LRP6: variants seen among roughly 807,000 people sequenced by gnomAD.
The protein encoded by LRP6 is LDL receptor related protein 6.
A neutral mutation model predicts 184.1 loss-of-function variants in LRP6; 43 were observed. The observed-to-expected ratio is 0.23, with a 90% CI of 0.18 to 0.30. The LOEUF (loss-of-function observed/expected upper bound fraction) is 0.30. LRP6 is among the 10% of genes least tolerant of loss of function. The pLI is 1.00. For missense variants in LRP6, 1,571 were observed against 2,005.3 expected (o/e 0.78, Z 4.14); for synonymous variants, 719 against 684.9 (o/e 1.05, Z -0.78).
intron 2 of LRP6, among the ~76,000 whole-genome samples, chr12:12,235,788 C>G (rs1864917110): frequency 6.6e-6 from 1 of 151,776 alleles, no homozygotes; most frequent in African/African-American, 2.4e-5. Context: ...ACCTAGTTTC[C>G]ACATCTTCAT....
At chr12:12,238,744 G>T (rs1864984512) in intron 2 of LRP6, among the ~76,000 whole-genome samples, 1 of 152,048 alleles carries the variant, frequency 6.6e-6, no homozygotes, top group South Asian at 2.1e-4. Flanking sequence ...CTTATTGAAA[G>T]AAACACTGAA....
At chr12:12,183,771 TATTTA>T (rs1863401439) in intron 5 of LRP6, among the ~76,000 whole-genome samples, 1 of 152,210 alleles carries the variant, frequency 6.6e-6, no homozygotes, top group African/African-American at 2.4e-5. Flanking sequence ...AAAAATATGT[TATTTA>T]AAACACTAAA....
chr12:12,156,906 C>T (rs1457064664), intron 12 of LRP6, among the ~76,000 whole-genome samples: 1 of 152,168 alleles, frequency 6.6e-6, no homozygotes. Flanking sequence ...GGGGTTATGG[C>T]CCACAAGTTA....
chr12:12,174,795 C>T (rs1863129653), intron 7 of LRP6, among the ~76,000 whole-genome samples: 1 of 152,162 alleles, frequency 6.6e-6, no homozygotes, highest in Admixed American at 6.5e-5. Context: ...GTTTTCAGTA[C>T]ACATCATACA....
intron 15 of LRP6, 58 bp downstream of exon 15, chr12:12,147,308 A>C: frequency 1.9e-6 from 3 of 1,565,066 alleles, no homozygotes; most frequent in Non-Finnish European, 2.6e-6. Context: ...AGAAAAACAC[A>C]ATAGATGAAT....
chr12:12,120,956 T>A lies in LRP6; in HGVS notation c.*170A>T, dbSNP rs1267233499. 1.2e-5 allele frequency: 6 copies of A among 509,746 alleles called. 1 individual carries two copies. The highest frequency in any genetic ancestry group is 1.2e-4 in the African/African-American group (6 of 51,722). 31.6% of individuals were successfully genotyped at this position (509,746 alleles called of 1,614,324 possible). A position where few individuals can be genotyped will look rare whatever the true frequency, so the allele number is the denominator to read the frequency against. ...GCTGTTTTAAGAAAATATATAAATA[T>A]CCTTTTCTTCTGTACAAATATCTCC... On this transcript the variant is annotated 3_prime_UTR_variant, in exon 23 of 23. Transcript: ENST00000261349.
chr12:12,218,976 C>T (rs998294240), intron 2 of LRP6, among the ~76,000 whole-genome samples: 1 of 152,084 alleles, frequency 6.6e-6, no homozygotes, highest in African/African-American at 2.4e-5. Flanking sequence ...TGGTTGCTCA[C>T]GCCTGTAATC....
chr12:12,137,966 C>G (rs1949867857), intron 16 of LRP6, among the ~76,000 whole-genome samples: 1 of 151,440 alleles, frequency 6.6e-6, no homozygotes. Flanking sequence ...AGTTCGAGAT[C>G]AGCCTGGACA....
Position 12,120,017 on chromosome 12 carries a change from AT to A in LRP6, c.*1108del, listed in dbSNP as rs1305200127. ...TATATATATATATATATATATATAT[AT>A]ATATATATATATATATATATATATA... is the stretch of plus-strand genomic sequence containing the variant. On this transcript the variant is annotated 3_prime_UTR_variant, in exon 23 of 23. Transcript: ENST00000261349. 3 of 106,778 alleles carry A rather than the reference AT, an allele frequency of 2.8e-5. No individual in the cohort carries two copies. Among genetic ancestry groups the A allele is most frequent in the African/African-American group, 9.6e-5 (3 of 31,324 alleles). The allele number at this position is 106,778 out of a possible 1,614,324, so 6.6% of individuals were successfully genotyped here.
intron 2 of LRP6, among the ~76,000 whole-genome samples, chr12:12,243,900 G>A (rs924352053): frequency 3.9e-5 from 6 of 152,072 alleles, no homozygotes; most frequent in African/African-American, 1.2e-4. Flanking sequence ...ACAGATGTGC[G>A]CCACTACGCC....
At chr12:12,140,645 C>T (rs1949918820) in intron 15 of LRP6, among the ~76,000 whole-genome samples, 1 of 150,708 alleles carries the variant, frequency 6.6e-6, no homozygotes, top group African/African-American at 2.4e-5. Flanking sequence ...GCTCTTTCGC[C>T]CAGGCTAGAG....
intron 8 of LRP6, 124 bp downstream of exon 8, chr12:12,164,955 A>AAAAAAAT: frequency 1.9e-6 from 1 of 528,568 alleles, no homozygotes. Context: ...AAAAAAAAAA[A>AAAAAAAT]GGCGGGGGGG....
At chr12:12,262,261 C>T (rs1865633537) in intron 1 of LRP6, among the ~76,000 whole-genome samples, 1 of 152,112 alleles carries the variant, frequency 6.6e-6, no homozygotes, top group Non-Finnish European at 1.5e-5. Flanking sequence ...AGCCTGTGGT[C>T]CCAGCTACTC....
intron 2 of LRP6, among the ~76,000 whole-genome samples, chr12:12,218,663 T>G (rs1864410630): frequency 6.6e-6 from 1 of 151,936 alleles, no homozygotes; most frequent in African/African-American, 2.4e-5. Flanking sequence ...TGGTTATAAC[T>G]TTTTAAAAAA....
chr12:12,210,895 TTAG>T (rs1565654562), intron 2 of LRP6: 1 of 152,202 alleles, frequency 6.6e-6, no homozygotes, highest in East Asian at 1.9e-4. Flanking sequence ...CTTACTCCGG[TTAG>T]TAGATTAGGC....
chr12:12,124,475 A>G (rs1949645734), intron 22 of LRP6, 90 bp downstream of exon 22: 8 of 870,386 alleles, frequency 9.2e-6, no homozygotes, highest in Non-Finnish European at 1.6e-5. Flanking sequence ...TCTGGTGACC[A>G]TCGTCTACTC....
chr12:12,190,581 G>C (rs972989387), intron 3 of LRP6, among the ~76,000 whole-genome samples: 4 of 152,162 alleles, frequency 2.6e-5, no homozygotes, highest in Admixed American at 6.5e-5. Context: ...CTCTGCAAGT[G>C]GTTCTTTTAA....
intron 2 of LRP6, among the ~76,000 whole-genome samples, chr12:12,233,014 A>G (rs1004626386): frequency 1.3e-5 from 2 of 152,220 alleles, no homozygotes; most frequent in Non-Finnish European, 2.9e-5. Context: ...CAACACTACA[A>G]TATAGGACAA....
intron 12 of LRP6, among the ~76,000 whole-genome samples, chr12:12,153,947 C>T (rs1950115951): frequency 6.6e-6 from 1 of 152,170 alleles, no homozygotes; most frequent in Admixed American, 6.5e-5. Context: ...TATGACTGTA[C>T]CATTTGTGCT....
Sources: gnomAD v4.1 joint callset for allele counts (sites outside exome capture counted in the v4.1 genomes callset) on GRCh38, gnomAD v4.1.1 for gene constraint, MANE v1.5 for transcripts, NCBI Gene and HGNC (gene_info 2026-07-23, HGNC 2026-07-21) for gene names.